Variants in OR1J2 observed in about 807,000 individuals in gnomAD.
OR1J2 encodes the protein olfactory receptor family 1 subfamily J member 2.
For synonymous variants in OR1J2, 142 were observed against 99.7 expected, an observed-to-expected ratio of 1.42 and a Z score of -2.52; for missense variants, 304 against 246.1, an observed-to-expected ratio of 1.24 and a Z score of -1.57.
At chr9:122,567,509 G>A in the OR1J2 span, 1 of 1,417,074 alleles carries the variant, frequency 7.1e-7, no homozygotes, top group Non-Finnish European at 9.6e-7. Flanking sequence ...CGTCCAAGTT[G>A]AGCAGATTCC....
the OR1J2 span, among the ~76,000 whole-genome samples, chr9:122,537,379 C>T: frequency 1.3e-5 from 2 of 152,170 alleles, no homozygotes; most frequent in South Asian, 2.1e-4. Flanking sequence ...GGCCTGGTGC[C>T]GAGCTGCCTG....
At chr9:122,542,612 T>TA in the OR1J2 span, among the ~76,000 whole-genome samples, 1 of 152,210 alleles carries the variant, frequency 6.6e-6, no homozygotes, top group South Asian at 2.1e-4. Flanking sequence ...AAAACTTTAT[T>TA]ATACTTGCTT....
chr9:122,537,614 T>C, the OR1J2 span, among the ~76,000 whole-genome samples: 296 of 152,300 alleles, frequency 1.9e-3, 2 homozygotes, highest in African/African-American at 6.7e-3. Flanking sequence ...GCATCAAATC[T>C]GTAGATTGCT....
the OR1J2 span, among the ~76,000 whole-genome samples, chr9:122,556,907 A>G: frequency 2.4e-5 from 3 of 123,318 alleles, no homozygotes; most frequent in African/African-American, 9.0e-5. Flanking sequence ...TCATTTATTT[A>G]GTTCTTATTT....
chr9:122,477,658 A>G, the OR1J2 span: 2 of 1,614,224 alleles, frequency 1.2e-6, no homozygotes, highest in Non-Finnish European at 8.5e-7. Flanking sequence ...AAAGACGGCT[A>G]GGTGCTGAGT....
chr9:122,450,505 T>C, the OR1J2 span, among the ~76,000 whole-genome samples: 2 of 152,224 alleles, frequency 1.3e-5, no homozygotes, highest in Non-Finnish European at 2.9e-5. Flanking sequence ...GAGGGTATAA[T>C]GTGATGTTTC....
At chr9:122,558,311 C>CTTTTTTT in the OR1J2 span, among the ~76,000 whole-genome samples, 17 of 34,472 alleles carry the variant, frequency 4.9e-4, 3 homozygotes, top group East Asian at 1.3e-3. Flanking sequence ...TTGGATTTTG[C>CTTTTTTT]TTTTTTTTTT....
chr9:122,455,703 AT>A, the OR1J2 span, among the ~76,000 whole-genome samples: 1 of 152,102 alleles, frequency 6.6e-6, no homozygotes, highest in Non-Finnish European at 1.5e-5. Flanking sequence ...AAAGATTTTA[AT>A]TTTGATAACG....
chr9:122,574,362 T>C, the OR1J2 span, among the ~76,000 whole-genome samples: 369 of 152,326 alleles, frequency 2.4e-3, 4 homozygotes, highest in African/African-American at 8.7e-3. Flanking sequence ...TTAGTTCTTT[T>C]ATCTTTCATC....
chr9:122,452,437 C>T, the OR1J2 span, among the ~76,000 whole-genome samples: 1 of 152,164 alleles, frequency 6.6e-6, no homozygotes, highest in African/African-American at 2.4e-5. Flanking sequence ...ATAAACATAC[C>T]TCCTCTTGCT....
chr9:122,532,723 G>A, the OR1J2 span, among the ~76,000 whole-genome samples: 1 of 152,190 alleles, frequency 6.6e-6, no homozygotes, highest in South Asian at 2.1e-4. Flanking sequence ...GGCAGCAGCC[G>A]CTGCACGGAG....
the OR1J2 span, among the ~76,000 whole-genome samples, chr9:122,577,394 C>G: frequency 2.6e-5 from 4 of 152,088 alleles, no homozygotes; most frequent in African/African-American, 9.7e-5. Context: ...CACATATGAC[C>G]TCCACATACA....
At chr9:122,553,470 A>G in the OR1J2 span, 1 of 1,614,118 alleles carries the variant, frequency 6.2e-7, no homozygotes, top group Non-Finnish European at 8.5e-7. Context: ...AATGCTGGCC[A>G]ACATTCATAC....
At chr9:122,506,973 A>G (rs1412461032), upstream of OR1J2, among the ~76,000 whole-genome samples, 10 of 152,194 alleles carry the variant, frequency 6.6e-5, no homozygotes, top group Non-Finnish European at 1.5e-4. Flanking sequence ...AAGGCCTCCT[A>G]CACTTCCAAA....
At chr9:122,534,809 G>A in the OR1J2 span, among the ~76,000 whole-genome samples, 1 of 152,122 alleles carries the variant, frequency 6.6e-6, no homozygotes. Flanking sequence ...GGGAGGAACT[G>A]ATGTGTAAAA....
chr9:122,568,467 A>G, the OR1J2 span: 3 of 1,572,406 alleles, frequency 1.9e-6, no homozygotes, highest in Non-Finnish European at 2.6e-6. Flanking sequence ...GGTGTGGTTG[A>G]TTCTTTCCAT....
downstream of OR1J2, among the ~76,000 whole-genome samples, chr9:122,514,691 CA>C (rs1828676658): frequency 6.6e-6 from 1 of 152,098 alleles, no homozygotes; most frequent in Non-Finnish European, 1.5e-5. Context: ...GTTTTATAAG[CA>C]GCAAACCAAA....
At chr9:122,462,182 C>T in the OR1J2 span, among the ~76,000 whole-genome samples, 1 of 152,006 alleles carries the variant, frequency 6.6e-6, no homozygotes, top group Non-Finnish European at 1.5e-5. Context: ...CCTTCTTTGC[C>T]TTTTTAACTG....
At chr9:122,461,831 T>C in the OR1J2 span, among the ~76,000 whole-genome samples, 1 of 152,164 alleles carries the variant, frequency 6.6e-6, no homozygotes, top group African/African-American at 2.4e-5. Context: ...TGTTTTGTGG[T>C]CTATCATATG....
Sources: gnomAD v4.1 joint callset for allele counts (sites outside exome capture counted in the v4.1 genomes callset) on GRCh38, gnomAD v4.1.1 for gene constraint, MANE v1.5 for transcripts, NCBI Gene and HGNC (gene_info 2026-07-23, HGNC 2026-07-21) for gene names.